RBFOX1: variants seen among roughly 807,000 people sequenced by gnomAD.
RBFOX1 encodes RNA binding fox-1 homolog 1.
RBFOX1 carries 8 observed loss-of-function variants against 57.7 expected under a neutral mutation model. The ratio of observed to expected loss-of-function variants is 0.14; its 90% CI spans 0.08 to 0.25. RBFOX1 has a LOEUF of 0.25. Ranked by LOEUF, RBFOX1 falls within the 10% of genes least tolerant of loss-of-function variation. The pLI is 1.00. For synonymous variants in RBFOX1, 326 were observed against 222.4 expected (o/e 1.47, Z -4.15); for missense variants, 611 against 548.5 (o/e 1.11, Z -1.14).
At chr16:5,906,090 G>A in intron 4 of RBFOX1, among the ~76,000 whole-genome samples, 1 of 152,232 alleles carries the variant, frequency 6.6e-6, no homozygotes, top group African/African-American at 2.4e-5. Context: ...TATGTTCTTA[G>A]CTGGCAGCAA....
chr16:5,665,227 A>G (rs1421940256), intron 3 of RBFOX1, among the ~76,000 whole-genome samples: 2 of 151,812 alleles, frequency 1.3e-5, no homozygotes, highest in Non-Finnish European at 2.9e-5. Flanking sequence ...CTGGGACTAC[A>G]GGCAGGAGCC....
At chr16:7,421,344 G>A (rs1156847784) in intron 4 of RBFOX1, among the ~76,000 whole-genome samples, 1 of 152,116 alleles carries the variant, frequency 6.6e-6, no homozygotes, top group Non-Finnish European at 1.5e-5. Flanking sequence ...TTCTTAAACT[G>A]CATGTATTTA....
At chr16:6,861,388 A>T (rs1477594948) in intron 3 of RBFOX1, among the ~76,000 whole-genome samples, 1 of 152,094 alleles carries the variant, frequency 6.6e-6, no homozygotes, top group Non-Finnish European at 1.5e-5. Flanking sequence ...CAAAAGATGG[A>T]CCAGTCAAGC....
intron 7 of RBFOX1, among the ~76,000 whole-genome samples, chr16:7,588,711 G>A (rs748204120): frequency 6.4e-4 from 98 of 152,276 alleles, no homozygotes; most frequent in Non-Finnish European, 1.2e-3. Flanking sequence ...AGTGTCACAG[G>A]CCACATTGCC....
intron 1 of RBFOX1, among the ~76,000 whole-genome samples, chr16:5,260,253 CA>C (rs1407991546): frequency 6.6e-6 from 1 of 151,750 alleles, no homozygotes. Flanking sequence ...GACATAGTCT[CA>C]AAAAAATTAA....
chr16:5,841,562 G>T (rs1799530911), intron 3 of RBFOX1, among the ~76,000 whole-genome samples: 1 of 152,196 alleles, frequency 6.6e-6, no homozygotes, highest in South Asian at 2.1e-4. Flanking sequence ...CAAACATTCA[G>T]ATACACAGCA....
At chr16:6,431,892 GCTTGCTTTCTTTCTTTCTTTCTTTCTTT>G (rs1210925843) in intron 2 of RBFOX1, among the ~76,000 whole-genome samples, 5 of 118,234 alleles carry the variant, frequency 4.2e-5, no homozygotes, top group East Asian at 2.4e-4. Flanking sequence ...ATGCTTGCTT[GCTTGCTTTCTTTCTTTCTTTCTTTCTTT>G]CTTTCTTTCT....
At chr16:6,618,597 G>T (rs1055397406) in intron 2 of RBFOX1, among the ~76,000 whole-genome samples, 1 of 152,204 alleles carries the variant, frequency 6.6e-6, no homozygotes, top group South Asian at 2.1e-4. Context: ...GAGAGAATCA[G>T]AATACAGAAA....
chr16:5,320,689 C>G lies in RBFOX1; in HGVS notation c.219+80584C>G, dbSNP rs542668754. On this transcript the variant is annotated intron_variant, in intron 1 of 2. Coordinates refer to the RBFOX1 transcript ENST00000585867. ...CTCAGGCAGGTGTAGCCACGGGAAT[C>G]TTCTTGTGTGACTGATTTTCAGGAG... 3.3e-5 allele frequency among the ~76,000 whole-genome samples: 5 copies of G among 152,302 alleles called. No individual in the cohort carries two copies. In the South Asian group the frequency reaches 1.0e-3, roughly 32 times the overall value.
intron 1 of RBFOX1, among the ~76,000 whole-genome samples, chr16:5,395,538 C>G (rs181766437): frequency 6.6e-6 from 1 of 152,250 alleles, no homozygotes; most frequent in East Asian, 1.9e-4. Flanking sequence ...TTTAGGTTTT[C>G]TAGCCTTAGG....
chr16:6,588,937 C>A (rs2097670616), intron 2 of RBFOX1, among the ~76,000 whole-genome samples: 1 of 152,140 alleles, frequency 6.6e-6, no homozygotes, highest in East Asian at 1.9e-4. Context: ...CCCCAGGATA[C>A]ACTAGTCTTG....
At chr16:6,837,813 A>G (rs1236814292) in intron 3 of RBFOX1, among the ~76,000 whole-genome samples, 2 of 152,208 alleles carry the variant, frequency 1.3e-5, no homozygotes, top group Non-Finnish European at 1.5e-5. Flanking sequence ...GGTAGTAATG[A>G]GGTAGCACTT....
chr16:5,309,256 T>A (rs2064018672), intron 1 of RBFOX1, among the ~76,000 whole-genome samples: 1 of 152,142 alleles, frequency 6.6e-6, no homozygotes, highest in South Asian at 2.1e-4. Context: ...TTTAAAAGGT[T>A]TTTCTCAGTC....
chr16:7,501,445 G>C (rs530954760), intron 4 of RBFOX1, among the ~76,000 whole-genome samples: 1 of 152,280 alleles, frequency 6.6e-6, no homozygotes, highest in Admixed American at 6.5e-5. Flanking sequence ...CATTCACTCT[G>C]TGCTTGCCAT....
intron 1 of RBFOX1, among the ~76,000 whole-genome samples, chr16:5,297,745 C>G (rs1245081015): frequency 6.6e-6 from 1 of 152,184 alleles, no homozygotes; most frequent in African/African-American, 2.4e-5. Context: ...CAATTTAGGA[C>G]AAATGTTACT....
rs1447047933 is a variant in RBFOX1 at position 5,760,452 on chromosome 16, C to G, written c.319-106851C>G. 2.0e-5 allele frequency among the ~76,000 whole-genome samples: 3 copies of G among 152,094 alleles called. No homozygotes were observed. In the East Asian group the frequency reaches 5.8e-4, roughly 29 times the overall value. On this transcript the variant is annotated intron_variant, in intron 3 of 19. Coordinates refer to the RBFOX1 transcript ENST00000641259. Reference sequence around the variant, plus strand: ...TGTAAGTAGGTATTCAATTACATGTCCATATACGTGAGTAGCAGCATTCCT... The same window carrying G: ...TGTAAGTAGGTATTCAATTACATGTGCATATACGTGAGTAGCAGCATTCCT...
intron 3 of RBFOX1, among the ~76,000 whole-genome samples, chr16:6,891,890 C>G (rs1346524322): frequency 6.6e-6 from 1 of 152,150 alleles, no homozygotes; most frequent in Non-Finnish European, 1.5e-5. Context: ...TTAAAACAAT[C>G]CCTGCTCATT....
At chr16:7,252,875 C>T (rs1020491980) in intron 4 of RBFOX1, among the ~76,000 whole-genome samples, 1 of 152,058 alleles carries the variant, frequency 6.6e-6, no homozygotes, top group Non-Finnish European at 1.5e-5. Context: ...ACTCATATGA[C>T]CTACCCATAT....
chr16:5,579,363 A>G (rs966152906), intron 2 of RBFOX1, among the ~76,000 whole-genome samples: 1 of 151,672 alleles, frequency 6.6e-6, no homozygotes, highest in African/African-American at 2.4e-5. Context: ...CCTCTTTCTC[A>G]TCACTCCTCT....
Sources: allele counts gnomAD v4.1 joint callset (sites outside exome capture counted in the v4.1 genomes callset), GRCh38; gene constraint gnomAD v4.1.1; transcripts MANE v1.5; gene names NCBI Gene and HGNC (gene_info 2026-07-23, HGNC 2026-07-21).